Variants in OPA3 observed in about 807,000 individuals in gnomAD.
OPA3 encodes outer mitochondrial membrane lipid metabolism regulator OPA3.
A neutral mutation model predicts 4.0 loss-of-function variants in OPA3; 6 were observed. That is an observed-to-expected ratio of 1.51 (90% confidence interval 0.83 to 2.99). The LOEUF (loss-of-function observed/expected upper bound fraction) is 2.99, where lower values mean the gene tolerates loss of function less well. OPA3 is among the 30% of genes most tolerant of loss of function. OPA3 has a pLI of 0.00. For missense variants in OPA3, 235 were observed against 256.2 expected, an observed-to-expected ratio of 0.92 and a Z score of 0.56; for synonymous variants, 105 against 117.1, an observed-to-expected ratio of 0.90 and a Z score of 0.67.
chr19:45,574,646 C>A (rs907743880), intron 1 of OPA3, among the ~76,000 whole-genome samples: 4 of 152,148 alleles, frequency 2.6e-5, no homozygotes, highest in Non-Finnish European at 5.9e-5. Flanking sequence ...AGATCCGAAG[C>A]CAAGAGTGCC....
chr19:45,528,889 A>G, exon 2 of OPA3: 1 of 738,118 alleles, frequency 1.4e-6, no homozygotes, highest in East Asian at 2.6e-5. Context: ...TGGGCAGGTT[A>G]GTAGGGAGGT....
intron 1 of OPA3, among the ~76,000 whole-genome samples, chr19:45,536,935 A>C (rs1969124902): frequency 2.0e-5 from 3 of 151,708 alleles, no homozygotes; most frequent in Admixed American, 2.0e-4. Context: ...ACACTTTTAG[A>C]AAAAAAAAGT....
intron 1 of OPA3, among the ~76,000 whole-genome samples, chr19:45,538,979 C>G (rs1199964218): frequency 6.6e-6 from 1 of 152,176 alleles, no homozygotes; most frequent in African/African-American, 2.4e-5. Context: ...AGGAAACTTA[C>G]AATCATGGCA....
At position 45,549,545 on chromosome 19, in the gene OPA3, A is replaced by T. The variant is rs2122421793; in HGVS notation, c.*3969T>A. 1 of 946,432 alleles carries T rather than the reference A, an allele frequency of 1.1e-6. No homozygotes were observed. Among genetic ancestry groups the T allele is most frequent in the East Asian group, 1.2e-4 (1 of 8,540 alleles). The allele number at this position is 946,432 out of a possible 1,614,324, so 58.6% of individuals were successfully genotyped here. ...ACCCAGGCTGGAGTGCAGTGGCGCG[A>T]TCTCAGCTCACTGCAACCTCCACCT... On this transcript the variant is annotated 3_prime_UTR_variant, in exon 2 of 2. Coordinates refer to ENST00000263275, the MANE Select transcript of OPA3 (RefSeq NM_025136.4).
At chr19:45,530,505 T>C (rs1969047580) in intron 1 of OPA3, among the ~76,000 whole-genome samples, 1 of 151,200 alleles carries the variant, frequency 6.6e-6, no homozygotes. Flanking sequence ...TTTTTATTTA[T>C]GTATGTATGG....
chr19:45,570,072 C>G (rs1260331910), intron 1 of OPA3, among the ~76,000 whole-genome samples: 2 of 152,204 alleles, frequency 1.3e-5, no homozygotes, highest in East Asian at 3.8e-4. Context: ...GCGCCATCCC[C>G]AGGCTGACAC....
At chr19:45,582,349 G>A (rs895438811) in intron 1 of OPA3, among the ~76,000 whole-genome samples, 1 of 151,754 alleles carries the variant, frequency 6.6e-6, no homozygotes, top group African/African-American at 2.4e-5. Flanking sequence ...TAGTAGAGAC[G>A]GGGTTTGACC....
At position 45,549,135 on chromosome 19, in the gene OPA3, G is replaced by C. The variant is rs1480593910; in HGVS notation, c.*4379C>G. ...GACTTTTTAAATATGAAAAAAGAAT[G>C]CATCAACTTGAAGATAATCAGCTTC... On this transcript the variant is annotated 3_prime_UTR_variant, in exon 2 of 2. Coordinates refer to ENST00000263275, the MANE Select transcript of OPA3 (RefSeq NM_025136.4). The C allele has an allele frequency of 5.0e-5, 49 of 985,112 alleles. No homozygotes were observed. The highest frequency in any genetic ancestry group is 5.5e-5 in the Non-Finnish European group (46 of 829,892). The allele number at this position is 985,112 out of a possible 1,614,324, so 61.0% of individuals were successfully genotyped here. A position where few individuals can be genotyped will look rare whatever the true frequency, so the allele number is the denominator to read the frequency against.
intron 1 of OPA3, among the ~76,000 whole-genome samples, chr19:45,570,019 C>T (rs1237768033): frequency 2.0e-5 from 3 of 152,190 alleles, no homozygotes; most frequent in Admixed American, 6.5e-5. Flanking sequence ...AGAGATACAC[C>T]GGGGTCAATG....
At chr19:45,555,791 AT>A (rs1969412581) in intron 1 of OPA3, among the ~76,000 whole-genome samples, 1 of 151,658 alleles carries the variant, frequency 6.6e-6, no homozygotes, top group Non-Finnish European at 1.5e-5. Flanking sequence ...GTGCCTAGTC[AT>A]TTTTGTATTT....
chr19:45,543,217 C>T (rs1969206964), downstream of OPA3, among the ~76,000 whole-genome samples: 1 of 152,064 alleles, frequency 6.6e-6, no homozygotes, highest in Non-Finnish European at 1.5e-5. Flanking sequence ...GTATATTGCC[C>T]AGGGGCTGGT....
chr19:45,550,718 C>G lies in OPA3; in HGVS notation c.*2796G>C. ...CAGTTTCCCTCCTGATTTTAATAAG[C>G]TCTGTACCCATTGTGGAGATCCACA... On this transcript the variant is annotated 3_prime_UTR_variant, in exon 2 of 2. Transcript: ENST00000263275. 1 of 986,028 alleles carries G rather than the reference C, an allele frequency of 1.0e-6. No homozygotes were observed. The highest frequency in any genetic ancestry group is 1.2e-6 in the Non-Finnish European group (1 of 830,148). 61.1% of individuals were successfully genotyped at this position (986,028 alleles called of 1,614,324 possible).
At chr19:45,554,858 T>A (rs1010841387) in intron 1 of OPA3, among the ~76,000 whole-genome samples, 3 of 152,134 alleles carry the variant, frequency 2.0e-5, no homozygotes, top group African/African-American at 7.2e-5. Flanking sequence ...TGGCACAGTC[T>A]TGGCTCACTG....
intron 1 of OPA3, among the ~76,000 whole-genome samples, chr19:45,529,906 T>A (rs1480304509): frequency 6.6e-6 from 1 of 151,982 alleles, no homozygotes; most frequent in Non-Finnish European, 1.5e-5. Context: ...GCTAATTTTT[T>A]AATTTTTTGT....
chr19:45,545,222 C>G (rs367706814), downstream of OPA3, among the ~76,000 whole-genome samples: 3 of 150,204 alleles, frequency 2.0e-5, no homozygotes, highest in East Asian at 5.9e-4. Context: ...CAGGATAGGC[C>G]TCTACTTCAA....
intron 1 of OPA3, among the ~76,000 whole-genome samples, chr19:45,537,358 C>A (rs1969129474): frequency 1.7e-5 from 2 of 119,260 alleles, no homozygotes; most frequent in African/African-American, 6.6e-5. Flanking sequence ...GATGGTGCCA[C>A]TGCACTCCAG....
intron 1 of OPA3, among the ~76,000 whole-genome samples, chr19:45,555,117 G>A (rs961885118): frequency 3.9e-5 from 6 of 152,070 alleles, no homozygotes; most frequent in East Asian, 1.9e-4. Context: ...AAGTAACTGC[G>A]CACTAATAAT....
chr19:45,567,125 G>A (rs756801518), intron 1 of OPA3, among the ~76,000 whole-genome samples: 4 of 151,930 alleles, frequency 2.6e-5, no homozygotes, highest in Non-Finnish European at 4.4e-5. Context: ...GGATCACCTG[G>A]GCCCATGAGT....
In OPA3 at chr19:45,553,441, A is replaced by C; in HGVS notation, c.*73T>G. On this transcript the variant is annotated 3_prime_UTR_variant, in exon 2 of 2. Coordinates refer to ENST00000263275, the MANE Select transcript of OPA3 (RefSeq NM_025136.4). ...TGGTTTCCACTGGGCCAGCGCAGGC[A>C]AGGGTGGTGCGGGAAGAAGGCCACG... is the stretch of plus-strand genomic sequence containing the variant. 6.2e-7 allele frequency: 1 copy of C among 1,603,668 alleles called. No individual in the cohort carries two copies. Among genetic ancestry groups the C allele is most frequent in the South Asian group, 1.1e-5 (1 of 90,994 alleles).
Sources: gnomAD v4.1 joint callset for allele counts (sites outside exome capture counted in the v4.1 genomes callset) on GRCh38, gnomAD v4.1.1 for gene constraint, MANE v1.5 for transcripts, NCBI Gene and HGNC (gene_info 2026-07-23, HGNC 2026-07-21) for gene names.